Variants in SMYD3 observed in about 807,000 individuals in gnomAD.
SMYD3 encodes the protein histone-lysine N-methyltransferase SMYD3.
SMYD3 carries 36 observed loss-of-function variants against 57.7 expected under a neutral mutation model. The ratio of observed to expected loss-of-function variants is 0.62; its 90% CI spans 0.48 to 0.82. The LOEUF (loss-of-function observed/expected upper bound fraction) is 0.82, where lower values mean the gene tolerates loss of function less well. Ranked by LOEUF, SMYD3 falls within the 40% of genes least tolerant of loss-of-function variation. The pLI is 0.00. For missense variants in SMYD3, 515 were observed against 538.8 expected (o/e 0.96, Z 0.44); for synonymous variants, 211 against 195.0 (o/e 1.08, Z -0.68).
chr1:246,014,341 G>C (rs565639768), intron 5 of SMYD3, among the ~76,000 whole-genome samples: 2 of 152,096 alleles, frequency 1.3e-5, no homozygotes, highest in Non-Finnish European at 2.9e-5. Context: ...AAATAAAAAA[G>C]TGAGTATCTG....
At chr1:246,022,164 A>T (rs2059483021) in intron 5 of SMYD3, among the ~76,000 whole-genome samples, 1 of 152,236 alleles carries the variant, frequency 6.6e-6, no homozygotes. Flanking sequence ...TACTTAAGAC[A>T]TCAGTCCCTC....
At chr1:245,880,862 G>A (rs535980250) in intron 8 of SMYD3, among the ~76,000 whole-genome samples, 3 of 152,330 alleles carry the variant, frequency 2.0e-5, no homozygotes, top group African/African-American at 7.2e-5. Context: ...TTTAGTTCAT[G>A]AGATTAATTA....
At chr1:245,805,489 T>A (rs754246726) in intron 10 of SMYD3, among the ~76,000 whole-genome samples, 6 of 152,266 alleles carry the variant, frequency 3.9e-5, no homozygotes, top group Non-Finnish European at 8.8e-5. Context: ...AAACATTTGC[T>A]GATGTGCAAT....
At chr1:246,147,578 A>C (rs1402955738) in intron 5 of SMYD3, among the ~76,000 whole-genome samples, 2 of 151,950 alleles carry the variant, frequency 1.3e-5, no homozygotes, top group Non-Finnish European at 2.9e-5. Flanking sequence ...CACTGCAGCC[A>C]CCCAAATCGT....
intron 5 of SMYD3, among the ~76,000 whole-genome samples, chr1:246,311,684 C>A (rs913609345): frequency 1.3e-5 from 2 of 152,234 alleles, no homozygotes; most frequent in African/African-American, 2.4e-5. Flanking sequence ...CGCACACACA[C>A]CCCAGCCATA....
intron 5 of SMYD3, chr1:246,035,648 T>C (rs1326468267): frequency 6.6e-6 from 1 of 152,244 alleles, no homozygotes; most frequent in Non-Finnish European, 1.5e-5. Flanking sequence ...TCGTCTTTGA[T>C]TGCCTATATT....
At chr1:245,842,569 AATTAGC>A (rs2050457951) in intron 10 of SMYD3, among the ~76,000 whole-genome samples, 1 of 152,236 alleles carries the variant, frequency 6.6e-6, no homozygotes, top group African/African-American at 2.4e-5. Context: ...TGATAATAAT[AATTAGC>A]AACTGCTAAC....
At chr1:245,767,082 G>C (rs1016430446) in intron 10 of SMYD3, among the ~76,000 whole-genome samples, 3 of 152,206 alleles carry the variant, frequency 2.0e-5, no homozygotes, top group African/African-American at 7.2e-5. Context: ...CTCCTGCTGG[G>C]AGACATTCTT....
At chr1:246,483,413 A>G (rs1329519896) in intron 1 of SMYD3, 1 of 152,230 alleles carries the variant, frequency 6.6e-6, no homozygotes, top group Non-Finnish European at 1.5e-5. Flanking sequence ...ACATGTCTTG[A>G]GACTAACATC....
At chr1:245,949,235 A>T (rs2057532250) in intron 5 of SMYD3, among the ~76,000 whole-genome samples, 1 of 152,130 alleles carries the variant, frequency 6.6e-6, no homozygotes, top group Non-Finnish European at 1.5e-5. Context: ...ATGCCCAAGA[A>T]CTGACATGCC....
At chr1:246,210,151 T>C (rs995014370) in intron 5 of SMYD3, among the ~76,000 whole-genome samples, 1 of 151,946 alleles carries the variant, frequency 6.6e-6, no homozygotes, top group South Asian at 2.1e-4. Flanking sequence ...CCTCACCAAG[T>C]GTGGGGCTGA....
chr1:245,907,109 G>T (rs9725634), intron 8 of SMYD3, among the ~76,000 whole-genome samples: 150,458 of 152,232 alleles, frequency 0.99, 74,376 homozygotes, highest in Middle Eastern at 1. Context: ...GGTTAATGGG[G>T]ACAACAGAAA....
chr1:246,284,541 T>C (rs903371347), intron 5 of SMYD3, among the ~76,000 whole-genome samples: 12 of 151,568 alleles, frequency 7.9e-5, no homozygotes, highest in South Asian at 2.1e-4. Flanking sequence ...CTCAGCCTCC[T>C]GAGTAGCTGG....
intron 1 of SMYD3, among the ~76,000 whole-genome samples, chr1:246,414,062 A>G (rs374606997): frequency 6.6e-6 from 1 of 152,228 alleles, no homozygotes; most frequent in African/African-American, 2.4e-5. Context: ...GGGGTGGTAT[A>G]TAACAGCACA....
chr1:246,326,404 G>GA (rs57404221), intron 5 of SMYD3: 2,449 of 603,782 alleles, frequency 4.1e-3, no homozygotes, highest in East Asian at 0.012. Context: ...GGCTAGTGAA[G>GA]AAAAAAAAAA....
chr1:246,428,484 C>T lies in SMYD3; in HGVS notation c.165-73390G>A, dbSNP rs117200581. Among the ~76,000 whole-genome samples, 16 of 152,352 alleles carry T rather than the reference C, an allele frequency of 1.1e-4. No homozygotes were observed. In the East Asian group the frequency reaches 3.1e-3, roughly 29 times the overall value. ...CAAATACTATCTGTCAGGTACTGCTCTCTCCATTTTGTGTGTATTAATCTA... is the reference window on the plus strand; with the variant it reads ...CAAATACTATCTGTCAGGTACTGCTTTCTCCATTTTGTGTGTATTAATCTA... On this transcript the variant is annotated intron_variant, in intron 1 of 11. Coordinates refer to ENST00000490107, the MANE Select transcript of SMYD3 (RefSeq NM_001167740.2).
At chr1:245,900,740 C>T (rs539508555) in intron 8 of SMYD3, among the ~76,000 whole-genome samples, 1 of 152,324 alleles carries the variant, frequency 6.6e-6, no homozygotes, top group Admixed American at 6.5e-5. Context: ...AATAAAAGAT[C>T]ATCATTCATT....
intron 5 of SMYD3, among the ~76,000 whole-genome samples, chr1:246,276,167 T>C: frequency 8.0e-6 from 1 of 124,814 alleles, no homozygotes; most frequent in Non-Finnish European, 1.7e-5. Flanking sequence ...CTGATGCCCA[T>C]GTTTGAATAC....
At position 246,362,714 on chromosome 1, in the gene SMYD3, C is replaced by T. The variant is rs560725135; in HGVS notation, c.165-7620G>A. The stretch of plus-strand genomic sequence containing the variant: ...CTAACCGCGAGTGATCCGCCAGCCT[C>T]GGCCTCCCGGAGGTGCAGGGATTGC... On this transcript the variant is annotated intron_variant, in intron 1 of 11. Coordinates refer to ENST00000490107, the MANE Select transcript of SMYD3 (RefSeq NM_001167740.2). Among the ~76,000 whole-genome samples, 1,111 of 152,308 alleles carry T rather than the reference C, an allele frequency of 7.3e-3. 3 individuals are homozygous for T. The highest frequency in any genetic ancestry group is 0.027 in the Middle Eastern group (8 of 294).
Sources: allele counts gnomAD v4.1 joint callset (sites outside exome capture counted in the v4.1 genomes callset), GRCh38; gene constraint gnomAD v4.1.1; transcripts MANE v1.5; gene names NCBI Gene and HGNC (gene_info 2026-07-23, HGNC 2026-07-21).